DRC2: variants seen among roughly 807,000 people sequenced by gnomAD.
DRC2 encodes the protein dynein regulatory complex subunit 2.
At chr12:48,915,770 G>GC in the DRC2 span, among the ~76,000 whole-genome samples, 33 of 150,496 alleles carry the variant, frequency 2.2e-4, no homozygotes, top group African/African-American at 6.8e-4. Context: ...GGCTGGCCGG[G>GC]CGGGGGGCTG....
the DRC2 span, chr12:48,918,922 C>T: frequency 6.3e-7 from 1 of 1,594,398 alleles, no homozygotes. Flanking sequence ...GGGGAGAGGA[C>T]TATCAGAATA....
At chr12:48,918,574 G>C in the DRC2 span, 1 of 1,486,360 alleles carries the variant, frequency 6.7e-7, no homozygotes. Flanking sequence ...ATCATTGGTT[G>C]GGAAAAGATG....
At chr12:48,911,780 A>G in the DRC2 span, among the ~76,000 whole-genome samples, 8 of 152,024 alleles carry the variant, frequency 5.3e-5, no homozygotes, top group African/African-American at 1.7e-4. Flanking sequence ...TCCTAATAGT[A>G]TTATTCATTT....
At chr12:48,913,820 G>T in the DRC2 span, among the ~76,000 whole-genome samples, 1 of 151,796 alleles carries the variant, frequency 6.6e-6, no homozygotes, top group South Asian at 2.1e-4. Context: ...TAGAGACAGG[G>T]CTTCACCATG....
chr12:48,918,456 A>G, the DRC2 span: 1 of 1,614,096 alleles, frequency 6.2e-7, no homozygotes. Context: ...CAGATGAAAA[A>G]AATACAGAAA....
chr12:48,917,021 C>T, the DRC2 span: 1 of 1,614,100 alleles, frequency 6.2e-7, no homozygotes, highest in Non-Finnish European at 8.5e-7. Flanking sequence ...TGCAAGATAT[C>T]TTCATGGCCA....
At chr12:48,918,711 G>A in the DRC2 span, 1 of 1,613,684 alleles carries the variant, frequency 6.2e-7, no homozygotes, top group Non-Finnish European at 8.5e-7. Flanking sequence ...CAAAAGGCAA[G>A]ATCATGATAC....
the DRC2 span, among the ~76,000 whole-genome samples, chr12:48,916,586 C>G: frequency 6.6e-6 from 1 of 151,854 alleles, no homozygotes; most frequent in African/African-American, 2.4e-5. Flanking sequence ...AGAGGGAGAC[C>G]GTGGAAAGAG....
chr12:48,914,348 A>C, the DRC2 span: 2 of 1,495,858 alleles, frequency 1.3e-6, no homozygotes, highest in East Asian at 4.6e-5. Flanking sequence ...ATATATTTTT[A>C]TTTTCTCACA....
At chr12:48,918,914 G>A in the DRC2 span, 1 of 1,576,692 alleles carries the variant, frequency 6.3e-7, no homozygotes, top group Non-Finnish European at 8.7e-7. Flanking sequence ...GTAACACAGG[G>A]GAGAGGACTA....
chr12:48,904,366 GC>G, the DRC2 span: 1 of 1,613,876 alleles, frequency 6.2e-7, no homozygotes, highest in Non-Finnish European at 8.5e-7. Flanking sequence ...TGGCCAAGAC[GC>G]CCCTGTCCGA....
chr12:48,917,472 T>TAAAAAAAG, the DRC2 span, among the ~76,000 whole-genome samples: 1 of 150,634 alleles, frequency 6.6e-6, no homozygotes, highest in East Asian at 2.0e-4. Flanking sequence ...TCAAAAAAAT[T>TAAAAAAAG]AAAAAAAGAA....
At chr12:48,920,196 C>G in the DRC2 span, among the ~76,000 whole-genome samples, 21 of 144,530 alleles carry the variant, frequency 1.5e-4, no homozygotes, top group African/African-American at 5.1e-4. Flanking sequence ...AATCCCAACA[C>G]TTTGGGAGGC....
At chr12:48,916,586 C>T in the DRC2 span, among the ~76,000 whole-genome samples, 1 of 151,856 alleles carries the variant, frequency 6.6e-6, no homozygotes, top group Non-Finnish European at 1.5e-5. Flanking sequence ...AGAGGGAGAC[C>T]GTGGAAAGAG....
chr12:48,920,441 T>TTAAAAAAAAAAAAAAA, the DRC2 span, among the ~76,000 whole-genome samples: 5 of 67,816 alleles, frequency 7.4e-5, 1 homozygote, highest in Non-Finnish European at 7.8e-5. Flanking sequence ...AACTCCATCT[T>TTAAAAAAAAAAAAAAA]AAAAAAAAAA....
the DRC2 span, among the ~76,000 whole-genome samples, chr12:48,919,537 G>A: frequency 6.9e-6 from 1 of 145,056 alleles, no homozygotes; most frequent in Non-Finnish European, 1.5e-5. Context: ...TTTTTGAGAC[G>A]AAGTTTTATT....
the DRC2 span, chr12:48,914,428 G>A: frequency 6.2e-7 from 1 of 1,612,758 alleles, no homozygotes; most frequent in African/African-American, 1.3e-5. Flanking sequence ...CCTGTCCGAA[G>A]CCGAGGAGCA....
chr12:48,911,174 C>T, the DRC2 span, among the ~76,000 whole-genome samples: 45 of 152,256 alleles, frequency 3.0e-4, no homozygotes, highest in African/African-American at 9.1e-4. Flanking sequence ...TATTGTCTAG[C>T]TCTCTTTTTG....
At chr12:48,918,584 G>A in the DRC2 span, 2 of 1,482,522 alleles carry the variant, frequency 1.3e-6, no homozygotes, top group Non-Finnish European at 1.8e-6. Flanking sequence ...GGGAAAAGAT[G>A]ATATGCTCTG....
Sources: gnomAD v4.1 joint callset for allele counts (sites outside exome capture counted in the v4.1 genomes callset) on GRCh38, gnomAD v4.1.1 for gene constraint, MANE v1.5 for transcripts, NCBI Gene and HGNC (gene_info 2026-07-23, HGNC 2026-07-21) for gene names.